Variants in KIZ observed in about 807,000 individuals in gnomAD.
The protein encoded by KIZ is centrosomal protein kizuna.
In KIZ, 68 loss-of-function variants were observed where a neutral mutation model predicts 79.6. The observed-to-expected ratio is 0.85, with a 90% CI of 0.70 to 1.05. The LOEUF is 1.05. Among genes scored for constraint, KIZ ranks in the 50% least tolerant of loss-of-function variants. The pLI, the probability that KIZ is intolerant of heterozygous loss-of-function variation, is 0.00. For synonymous variants in KIZ, 280 were observed against 281.8 expected (o/e 0.99, Z 0.06); for missense variants, 797 against 800.4 (o/e 1.00, Z 0.05).
chr20:21,145,263 C>T, intron 3 of KIZ, among the ~76,000 whole-genome samples: 1 of 151,312 alleles, frequency 6.6e-6, no homozygotes, highest in East Asian at 1.9e-4. Context: ...AAGTATCAAA[C>T]TGTATACATA....
intron 6 of KIZ, chr20:21,166,312 A>G (rs1041972287): frequency 6.2e-7 from 1 of 1,604,238 alleles, no homozygotes; most frequent in Non-Finnish European, 8.5e-7. Context: ...AACTGGCAGG[A>G]TGGAAGCAGA....
chr20:21,169,438 G>A (rs1421040444), intron 6 of KIZ, among the ~76,000 whole-genome samples: 4 of 152,172 alleles, frequency 2.6e-5, no homozygotes, highest in Admixed American at 6.5e-5. Flanking sequence ...AACAGGTGCT[G>A]GAGAGGATGT....
rs923204119 is a variant in KIZ, at chr20:21,137,184, A to C, written c.315+632A>C. ...AGTAGTAAGGGTAGAACTGTCCCCG[A>C]GGAGTTTGCCTTTATGCTCCTGGTC... On this transcript the variant is annotated intron_variant, in intron 3 of 12. Transcript: ENST00000619189. Among the ~76,000 whole-genome samples, 7 of 152,286 alleles carry C rather than the reference A, an allele frequency of 4.6e-5. No individual in the cohort carries two copies. The South Asian group carries it at 1.4e-3, about 32-fold the overall frequency.
intron 4 of KIZ, among the ~76,000 whole-genome samples, chr20:21,150,509 A>G (rs960763039): frequency 1.3e-5 from 2 of 152,204 alleles, no homozygotes; most frequent in African/African-American, 4.8e-5. Context: ...TCTCAAAGTT[A>G]TGGCTGTACT....
At chr20:21,193,953 T>C (rs1251471796) in intron 6 of KIZ, 1 of 151,722 alleles carries the variant, frequency 6.6e-6, no homozygotes, top group Non-Finnish European at 1.5e-5. Flanking sequence ...CGTGTACACA[T>C]ATGTAACAAA....
At chr20:21,131,277 T>C (rs150720001) in intron 1 of KIZ, among the ~76,000 whole-genome samples, 1 of 152,364 alleles carries the variant, frequency 6.6e-6, no homozygotes, top group East Asian at 1.9e-4. Flanking sequence ...CTTAGCTTAC[T>C]GCTAGCACTC....
intron 6 of KIZ, chr20:21,194,092 C>G (rs1365299203): frequency 6.6e-6 from 1 of 152,150 alleles, no homozygotes; most frequent in African/African-American, 2.4e-5. Flanking sequence ...CTCCTAAATC[C>G]TGTGTGACTG....
At chr20:21,224,721 C>T (rs1189159506) in intron 9 of KIZ, among the ~76,000 whole-genome samples, 1 of 152,122 alleles carries the variant, frequency 6.6e-6, no homozygotes, top group African/African-American at 2.4e-5. Context: ...CCAAGACACC[C>T]CTTAGAGACT....
At chr20:21,134,149 G>A (rs2032025543) in intron 2 of KIZ, among the ~76,000 whole-genome samples, 2 of 152,154 alleles carry the variant, frequency 1.3e-5, no homozygotes, top group South Asian at 4.1e-4. Flanking sequence ...GGGCCAGGAG[G>A]CGTGAGGTGG....
At chr20:21,237,745 C>T (rs2037068464) in intron 11 of KIZ, among the ~76,000 whole-genome samples, 2 of 152,194 alleles carry the variant, frequency 1.3e-5, no homozygotes, top group Admixed American at 1.3e-4. Context: ...CTGTGGTCCC[C>T]CTAGCTATTT....
At chr20:21,142,171 T>G (rs1273490929) in intron 3 of KIZ, among the ~76,000 whole-genome samples, 1 of 152,076 alleles carries the variant, frequency 6.6e-6, no homozygotes, top group Non-Finnish European at 1.5e-5. Context: ...CAATTTGCAT[T>G]TCCTTGAAAG....
intron 10 of KIZ, among the ~76,000 whole-genome samples, chr20:21,229,960 G>A (rs1345964858): frequency 6.6e-6 from 1 of 152,094 alleles, no homozygotes; most frequent in Non-Finnish European, 1.5e-5. Flanking sequence ...TTTGTTATTT[G>A]TATGTCTATT....
intron 6 of KIZ, chr20:21,196,874 C>T (rs1233056591): frequency 6.6e-6 from 1 of 152,220 alleles, no homozygotes; most frequent in Non-Finnish European, 1.5e-5. Context: ...AGTTGTCACT[C>T]ACCCTCCAAT....
At position 21,215,595 on chromosome 20, in the gene KIZ, G is replaced by A; in HGVS notation, c.1625G>A (p.Gly542Asp). 6.3e-7 allele frequency: 1 copy of A among 1,599,468 alleles called. No individual in the cohort carries two copies. The highest frequency in any genetic ancestry group is 8.6e-7 in the Non-Finnish European group (1 of 1,169,296). ...VPTREQEVSS[G>D]CGDKSKKENV... ...ATTCAATTTTTAGAAGTTTCAAGTG[G>A]CTGTGGAGACAAGAGCAAGAAAGAA... The change falls in exon 9 of 13, where the codon GGC (glycine) becomes GAC (aspartate). Residue 542 changes from glycine (G) to aspartate (D), a missense_variant. Transcript: ENST00000619189.
At chr20:21,198,685 C>G (rs2035462129) in intron 6 of KIZ, 1 of 152,608 alleles carries the variant, frequency 6.6e-6, no homozygotes, top group South Asian at 2.1e-4. Flanking sequence ...GGGACCCTGT[C>G]ACAAGAAAAC....
intron 4 of KIZ, among the ~76,000 whole-genome samples, chr20:21,149,876 C>T (rs1160505402): frequency 6.6e-6 from 1 of 152,172 alleles, no homozygotes; most frequent in East Asian, 1.9e-4. Context: ...GTTGGAATCC[C>T]CTGGGAAGGA....
intron 9 of KIZ, among the ~76,000 whole-genome samples, chr20:21,220,034 G>A (rs1185036183): frequency 2.0e-5 from 3 of 151,526 alleles, no homozygotes; most frequent in Admixed American, 6.6e-5. Flanking sequence ...GAATCCAGGT[G>A]GAAATCAAAG....
chr20:21,206,485 G>A (rs1022798588), intron 7 of KIZ, among the ~76,000 whole-genome samples: 1 of 152,050 alleles, frequency 6.6e-6, no homozygotes, highest in African/African-American at 2.4e-5. Context: ...TGGGGGCAGA[G>A]GTGACAAGAA....
intron 8 of KIZ, among the ~76,000 whole-genome samples, chr20:21,215,287 T>C (rs1261053277): frequency 1.3e-5 from 2 of 152,230 alleles, no homozygotes; most frequent in Non-Finnish European, 2.9e-5. Flanking sequence ...TTGATGTACA[T>C]GTGCAGGATG....
Sources: gnomAD v4.1 joint callset for allele counts (sites outside exome capture counted in the v4.1 genomes callset) on GRCh38, gnomAD v4.1.1 for gene constraint, MANE v1.5 for transcripts, NCBI Gene and HGNC (gene_info 2026-07-23, HGNC 2026-07-21) for gene names.